Variants in USP42 observed in about 807,000 individuals in gnomAD.
USP42 encodes the protein ubiquitin specific peptidase 42.
USP42 carries 23 observed loss-of-function variants against 113.0 expected under a neutral mutation model. The ratio of observed to expected loss-of-function variants is 0.20; its 90% CI spans 0.15 to 0.29. USP42 has a LOEUF of 0.29. Among genes scored for constraint, USP42 ranks in the 10% least tolerant of loss-of-function variants. The probability of loss-of-function intolerance (pLI) is 1.00; values close to 1 mark genes in which losing one functional copy is unlikely to be tolerated. For synonymous variants in USP42, 933 were observed against 699.0 expected (o/e 1.33, Z -5.28); for missense variants, 2,174 against 1,779.8 (o/e 1.22, Z -3.99).
chr7:6,093,712 CTTT>C, the USP42 span, among the ~76,000 whole-genome samples: 2 of 142,584 alleles, frequency 1.4e-5, no homozygotes, highest in Admixed American at 7.2e-5. Context: ...CCCTTCTTTA[CTTT>C]TTTGTGGTAA....
chr7:6,087,854 T>G, the USP42 span, among the ~76,000 whole-genome samples: 2 of 151,350 alleles, frequency 1.3e-5, no homozygotes, highest in African/African-American at 4.9e-5. Context: ...TATAAGACAG[T>G]GAATAACATA....
At chr7:6,133,458 T>C (rs570413667) in intron 3 of USP42, among the ~76,000 whole-genome samples, 1 of 152,308 alleles carries the variant, frequency 6.6e-6, no homozygotes, top group African/African-American at 2.4e-5. Context: ...TTCACTAATC[T>C]TTTCTTCTGT....
At chr7:6,111,769 ATTTT>A (rs375859355) in intron 2 of USP42, 1 of 138,746 alleles carries the variant, frequency 7.2e-6, no homozygotes, top group Non-Finnish European at 1.5e-5. Context: ...AGCCCGGCTA[ATTTT>A]TTTTTTTTTT....
intron 3 of USP42, among the ~76,000 whole-genome samples, chr7:6,125,341 T>A (rs985014717): frequency 6.6e-6 from 1 of 151,938 alleles, no homozygotes; most frequent in Non-Finnish European, 1.5e-5. Flanking sequence ...ATACAAAAAA[T>A]TAGCCTGACA....
chr7:6,154,864 G>A lies in USP42; in HGVS notation c.3310G>A (p.Glu1104Lys), dbSNP rs1251662024. Residue 1104 changes from glutamate (E) to lysine (K), a missense_variant, in exon 15 of 18, where the codon GAG becomes AAG. Coordinates refer to ENST00000306177, the MANE Select transcript of USP42 (RefSeq NM_032172.3). ...KDHNRGRRGCEPARERERHRP... is the reference protein window; with the variant it reads ...KDHNRGRRGCKPARERERHRP... ...CCACAACCGGGGCCGTAGGGGCTGC[G>A]AGCCGGCCCGGGAGAGGGAGCGGCA... is the stretch of plus-strand genomic sequence containing the variant. 6.5e-7 allele frequency: 1 copy of A among 1,526,766 alleles called. No individual in the cohort carries two copies. Among genetic ancestry groups the A allele is most frequent in the African/African-American group, 1.4e-5 (1 of 71,828 alleles). 94.6% of individuals were successfully genotyped at this position (1,526,766 alleles called of 1,614,324 possible). A position where few individuals can be genotyped will look rare whatever the true frequency, so the allele number is the denominator to read the frequency against.
chr7:6,122,229 A>G (rs958241641), intron 3 of USP42, among the ~76,000 whole-genome samples: 7 of 149,258 alleles, frequency 4.7e-5, no homozygotes, highest in South Asian at 4.2e-4. Flanking sequence ...AAATTTCCCT[A>G]TGAGTGGTAC....
upstream of USP42, among the ~76,000 whole-genome samples, chr7:6,103,153 C>G (rs972481934): frequency 3.3e-5 from 5 of 150,846 alleles, no homozygotes; most frequent in Admixed American, 1.3e-4. Flanking sequence ...TGTTAGGCCT[C>G]GAGGTGGAGA....
chr7:6,137,792 T>C (rs1356254105), intron 4 of USP42, among the ~76,000 whole-genome samples: 1 of 152,196 alleles, frequency 6.6e-6, no homozygotes, highest in African/African-American at 2.4e-5. Flanking sequence ...CGATTTCTCC[T>C]GCGTCAGCCT....
rs62454266 is a variant in USP42 at position 6,114,658 on chromosome 7, A to G, written c.242-665A>G. Reference sequence around the variant, plus strand: ...TGTGTATATATGTATGTGTGTGTGTATATATATATATATATATATATTTTT... The same window carrying G: ...TGTGTATATATGTATGTGTGTGTGTGTATATATATATATATATATATTTTT... On this transcript the variant is annotated intron_variant, in intron 2 of 17. Transcript: ENST00000306177. Among the ~76,000 whole-genome samples, 354 of 42,658 alleles carry G rather than the reference A, an allele frequency of 8.3e-3. 1 individual carries two copies. Among genetic ancestry groups the G allele is most frequent in the African/African-American group, 0.02 (113 of 5,772 alleles). The allele number at this position is 42,658 out of a possible 152,430, so 28.0% of individuals were successfully genotyped here.
chr7:6,117,816 C>T (rs143836450), intron 3 of USP42, among the ~76,000 whole-genome samples: 1,865 of 152,234 alleles, frequency 0.012, 19 homozygotes, highest in Middle Eastern at 0.027. Context: ...AACCTCTTTT[C>T]TTTTTTGTTT....
Position 6,154,953 on chromosome 7 carries a change from C to T in USP42, c.3399C>T (p.Ser1133=), listed in dbSNP as rs1420392005. The change falls in exon 15 of 18, where the codon TCC becomes TCT. Residue 1133 remains serine, a synonymous_variant. Transcript: ENST00000306177. The part of the protein sequence containing the change: ...HALAPHPDRF[S]HDRTALVAGD... The stretch of plus-strand genomic sequence containing the variant: ...TCGCCCCGCACCCCGACCGCTTCTC[C>T]CACGACAGAACTGCACTTGTAGCCG... 4.5e-6 allele frequency: 7 copies of T among 1,556,430 alleles called. No individual in the cohort carries two copies. The highest frequency in any genetic ancestry group is 1.9e-5 in the Admixed American group (1 of 51,508).
chr7:6,086,045 T>G, the USP42 span, among the ~76,000 whole-genome samples: 1 of 150,384 alleles, frequency 6.6e-6, no homozygotes, highest in Admixed American at 6.6e-5. Context: ...TTTTTTTTTT[T>G]CTTTTTTTTT....
rs1030393455 is a variant in USP42, at chr7:6,135,893, G to T, written c.495G>T (p.Gln165His). ...MMCTMQAHIT[Q>H]ALSNPGDVIK... ...GTACAATGCAAGCACATATTACCCA[G>T]GCACTCAGTAATCCTGGGGACGTTA... is the stretch of plus-strand genomic sequence containing the variant. Residue 165 changes from glutamine (Q) to histidine (H), a missense_variant, in exon 4 of 18, where the codon CAG becomes CAT. By Grantham distance (24) the Gln-to-His change is conservative. Coordinates refer to ENST00000306177, the MANE Select transcript of USP42 (RefSeq NM_032172.3). 4 of 1,610,766 alleles carry T rather than the reference G, an allele frequency of 2.5e-6. No homozygotes were observed. The highest frequency in any genetic ancestry group is 3.4e-6 in the Non-Finnish European group (4 of 1,178,660).
rs764761303 is a variant in USP42 at position 6,155,121 on chromosome 7, G to C, written c.3567G>C (p.Glu1189Asp). ...GCGAACAGAAGGATCCTCTAGAAGA[G>C]CCTAAAGCAAAGAAGCACAAAAAAT... ...RRSEQKDPLE[E>D]PKAKKHKKSK... is the part of the protein sequence containing the mutation. Residue 1189 changes from glutamate (E) to aspartate (D), a missense_variant, in exon 15 of 18, where the codon GAG becomes GAC. By Grantham distance (45) the Glu-to-Asp change is conservative. Coordinates refer to ENST00000306177, the MANE Select transcript of USP42 (RefSeq NM_032172.3). 1.3e-6 allele frequency: 2 copies of C among 1,556,170 alleles called. No individual in the cohort carries two copies. The highest frequency in any genetic ancestry group is 4.8e-5 in the East Asian group (2 of 41,260).
intron 17 of USP42, among the ~76,000 whole-genome samples, 200 bp from the exon 18 acceptor site, chr7:6,160,355 C>G (rs1782702704): frequency 6.6e-6 from 1 of 152,202 alleles, no homozygotes; most frequent in Non-Finnish European, 1.5e-5. Flanking sequence ...TGGCCGGGCC[C>G]AGCAGATGGC....
At chr7:6,104,821 T>G (rs1368923235), upstream of USP42, 2 of 150,476 alleles carry the variant, frequency 1.3e-5, no homozygotes, top group Non-Finnish European at 1.5e-5. Flanking sequence ...GCGCTTCTTG[T>G]GCGACGGCCC....
intron 3 of USP42, among the ~76,000 whole-genome samples, chr7:6,119,006 G>A (rs1056339495): frequency 1.3e-5 from 2 of 151,838 alleles, no homozygotes; most frequent in Non-Finnish European, 2.9e-5. Flanking sequence ...TTTGAACCCA[G>A]GAGTTTGAGA....
intron 15 of USP42, 86 bp downstream of exon 15, chr7:6,155,281 G>A (rs1441226247): frequency 6.9e-7 from 1 of 1,440,094 alleles, no homozygotes; most frequent in East Asian, 2.5e-5. Flanking sequence ...TCAGGAACAA[G>A]TGACCAGCCA....
chr7:6,130,582 A>C (rs1780798447), intron 3 of USP42, among the ~76,000 whole-genome samples: 2 of 152,156 alleles, frequency 1.3e-5, no homozygotes, highest in African/African-American at 4.8e-5. Context: ...CCCAGCTCCT[A>C]GTCAGCCTTC....
Sources: allele counts gnomAD v4.1 joint callset (sites outside exome capture counted in the v4.1 genomes callset), GRCh38; gene constraint gnomAD v4.1.1; transcripts MANE v1.5; gene names NCBI Gene and HGNC (gene_info 2026-07-23, HGNC 2026-07-21).